CDH8: variants seen among roughly 807,000 people sequenced by gnomAD.
CDH8 encodes cadherin-8.
CDH8 carries 17 observed loss-of-function variants against 68.1 expected under a neutral mutation model. That is an observed-to-expected ratio of 0.25 (90% confidence interval 0.17 to 0.37). The LOEUF is 0.37. Ranked by LOEUF, CDH8 falls within the 10% of genes least tolerant of loss-of-function variation. The pLI, the probability that CDH8 is intolerant of heterozygous loss-of-function variation, is 1.00. For synonymous variants in CDH8, 372 were observed against 365.1 expected, an observed-to-expected ratio of 1.02 and a Z score of -0.21; for missense variants, 763 against 999.3, an observed-to-expected ratio of 0.76 and a Z score of 3.19.
intron 2 of CDH8, among the ~76,000 whole-genome samples, chr16:61,919,433 T>C (rs568324651): frequency 6.8e-6 from 1 of 146,710 alleles, no homozygotes; most frequent in South Asian, 2.2e-4. Context: ...TTTAGGAGAA[T>C]GTATAACTAG....
At chr16:61,901,533 T>C in intron 2 of CDH8, 60 bp from the exon 3 acceptor site, 4 of 1,211,644 alleles carry the variant, frequency 3.3e-6, no homozygotes, top group Non-Finnish European at 3.5e-6. Flanking sequence ...TTTTTTTAAC[T>C]ACCTCCTTTT....
At chr16:61,776,852 C>T (rs949974705) in intron 8 of CDH8, among the ~76,000 whole-genome samples, 1 of 152,064 alleles carries the variant, frequency 6.6e-6, no homozygotes, top group African/African-American at 2.4e-5. Context: ...CCCCATTGTA[C>T]TAGGCTTAAT....
intron 9 of CDH8, chr16:61,726,141 A>G (rs1044065915): frequency 1.2e-4 from 18 of 150,948 alleles, no homozygotes; most frequent in African/African-American, 3.9e-4. Context: ...CACCCACATG[A>G]GGCACAAGAA....
At chr16:61,904,269 A>T (rs1597054626) in intron 2 of CDH8, among the ~76,000 whole-genome samples, 1 of 152,358 alleles carries the variant, frequency 6.6e-6, no homozygotes, top group African/African-American at 2.4e-5. Context: ...ATACATGGTT[A>T]CAAGCTGTGG....
intron 2 of CDH8, among the ~76,000 whole-genome samples, chr16:61,960,366 TAC>T (rs1259176221): frequency 1.2e-5 from 1 of 85,782 alleles, no homozygotes; most frequent in Non-Finnish European, 2.3e-5. Flanking sequence ...TGTATACACA[TAC>T]ATATATACAT....
At chr16:61,849,354 T>C (rs1962893165) in intron 4 of CDH8, among the ~76,000 whole-genome samples, 1 of 151,840 alleles carries the variant, frequency 6.6e-6, no homozygotes, top group Non-Finnish European at 1.5e-5. Context: ...GAAGAGTGCA[T>C]TAGGAGGAAA....
At chr16:61,816,477 G>C (rs1962077516) in intron 7 of CDH8, among the ~76,000 whole-genome samples, 1 of 152,100 alleles carries the variant, frequency 6.6e-6, no homozygotes. Flanking sequence ...AAATTGAAAG[G>C]GTTTGGTATG....
At position 61,750,537 on chromosome 16, in the gene CDH8, C is replaced by A. The variant is rs114042024; in HGVS notation, c.1415-23322G>T. Reference sequence around the variant, plus strand: ...AATTTTCCATCTCACGTGGTTCTTACATTGAAATTACAGACATGCATTCAC... The same window carrying A: ...AATTTTCCATCTCACGTGGTTCTTAAATTGAAATTACAGACATGCATTCAC... On this transcript the variant is annotated intron_variant, in intron 8 of 11. Coordinates refer to ENST00000577390, the MANE Select transcript of CDH8 (RefSeq NM_001796.5). Among the ~76,000 whole-genome samples, 1,306 of 152,222 alleles carry A rather than the reference C, an allele frequency of 8.6e-3. 23 individuals carry two copies. Among genetic ancestry groups the A allele is most frequent in the African/African-American group, 0.029 (1,225 of 41,548 alleles).
intron 8 of CDH8, among the ~76,000 whole-genome samples, chr16:61,751,406 A>AC (rs1438149914): frequency 1.3e-5 from 2 of 149,994 alleles, no homozygotes; most frequent in African/African-American, 4.9e-5. Context: ...AAAAAAAAAA[A>AC]AAAAACAAGC....
Position 61,648,048 on chromosome 16 carries a change from A to C in CDH8, c.*5560T>G, listed in dbSNP as rs1376520973. Reference sequence around the variant, plus strand: ...CACCAGCAAATGCCTACTAACCTTGAGACCTAGATGAAACTTCCACACATA... The same window carrying C: ...CACCAGCAAATGCCTACTAACCTTGCGACCTAGATGAAACTTCCACACATA... On this transcript the variant is annotated 3_prime_UTR_variant, in exon 12 of 12. Coordinates refer to ENST00000577390, the MANE Select transcript of CDH8 (RefSeq NM_001796.5). 1 of 548,866 alleles carries C rather than the reference A, an allele frequency of 1.8e-6. No homozygotes were observed. Among genetic ancestry groups the C allele is most frequent in the East Asian group, 3.0e-5 (1 of 32,812 alleles). The allele number at this position is 548,866 out of a possible 1,614,324, so 34.0% of individuals were successfully genotyped here. A position where few individuals can be genotyped will look rare whatever the true frequency, so the allele number is the denominator to read the frequency against.
At chr16:61,932,207 C>CAAAAA (rs35261724) in intron 2 of CDH8, among the ~76,000 whole-genome samples, 6 of 83,538 alleles carry the variant, frequency 7.2e-5, no homozygotes, top group Non-Finnish European at 9.7e-5. Flanking sequence ...AACTCCGTCT[C>CAAAAA]AAAAAAAAAA....
At chr16:61,770,587 T>C (rs1443748526) in intron 8 of CDH8, among the ~76,000 whole-genome samples, 1 of 151,954 alleles carries the variant, frequency 6.6e-6, no homozygotes, top group Non-Finnish European at 1.5e-5. Context: ...CATCTAAAAA[T>C]ATCCAAAACT....
chr16:61,890,900 C>T (rs1329145706), intron 3 of CDH8, among the ~76,000 whole-genome samples: 1 of 152,058 alleles, frequency 6.6e-6, no homozygotes, highest in Non-Finnish European at 1.5e-5. Context: ...AAACACCCAG[C>T]TTATGTTGAT....
Position 61,809,332 on chromosome 16 carries a change from G to GA in CDH8, c.1277+8146dup, listed in dbSNP as rs1220613072. 2.0e-5 allele frequency among the ~76,000 whole-genome samples: 3 copies of GA among 152,116 alleles called. No homozygotes were observed. The East Asian group carries it at 5.8e-4, about 29-fold the overall frequency. On this transcript the variant is annotated intron_variant, in intron 7 of 11. Coordinates refer to ENST00000577390, the MANE Select transcript of CDH8 (RefSeq NM_001796.5). ...GTCCCTCTAGTAAGCTCTTTAGAAA[G>GA]AAAAAAAGGTGACTTTCCTGCATGT... is the stretch of plus-strand genomic sequence containing the variant.
chr16:61,911,222 G>C (rs576359589), intron 2 of CDH8, among the ~76,000 whole-genome samples: 1 of 152,202 alleles, frequency 6.6e-6, no homozygotes, highest in South Asian at 2.1e-4. Context: ...ATAACTGATT[G>C]ATAAGAGAAC....
rs868814546 is a variant in CDH8, at chr16:61,808,400, C to T, written c.1277+9079G>A. On this transcript the variant is annotated intron_variant, in intron 7 of 11. Coordinates refer to ENST00000577390, the MANE Select transcript of CDH8 (RefSeq NM_001796.5). Reference sequence around the variant, plus strand: ...AACCATGAAGGAAACAAATTCCTCACTCTAAGCAGGGAAACATCACAGTAT... The same window carrying T: ...AACCATGAAGGAAACAAATTCCTCATTCTAAGCAGGGAAACATCACAGTAT... Among the ~76,000 whole-genome samples, 9 of 152,254 alleles carry T rather than the reference C, an allele frequency of 5.9e-5. No homozygotes were observed. In the South Asian group the frequency reaches 1.7e-3, roughly 28 times the overall value.
intron 4 of CDH8, among the ~76,000 whole-genome samples, chr16:61,841,521 G>C (rs375702340): frequency 6.6e-6 from 1 of 152,118 alleles, no homozygotes; most frequent in Non-Finnish European, 1.5e-5. Flanking sequence ...GGCTGGGAAA[G>C]GTAGTAAGGG....
chr16:61,825,996 T>C (rs989618339), intron 4 of CDH8, among the ~76,000 whole-genome samples: 8 of 151,892 alleles, frequency 5.3e-5, no homozygotes, highest in Non-Finnish European at 8.8e-5. Context: ...CCTCCTGAAG[T>C]TTATTTTGAA....
At chr16:61,939,665 A>G (rs1452003984) in intron 2 of CDH8, among the ~76,000 whole-genome samples, 1 of 152,196 alleles carries the variant, frequency 6.6e-6, no homozygotes, top group African/African-American at 2.4e-5. Flanking sequence ...TATAATACCA[A>G]AAAGCTAAAT....
Sources: allele counts gnomAD v4.1 joint callset (sites outside exome capture counted in the v4.1 genomes callset), GRCh38; gene constraint gnomAD v4.1.1; transcripts MANE v1.5; gene names NCBI Gene and HGNC (gene_info 2026-07-23, HGNC 2026-07-21).